The following STON2 variants were observed in gnomAD, a reference collection of about 807,000 sequenced individuals.
STON2 encodes stonin 2.
In STON2, 29 loss-of-function variants were observed where a neutral mutation model predicts 65.7. The observed-to-expected ratio is 0.44, with a 90% CI of 0.33 to 0.60. The LOEUF (loss-of-function observed/expected upper bound fraction) is 0.60, where lower values mean the gene tolerates loss of function less well. Among genes scored for constraint, STON2 ranks in the 20% least tolerant of loss-of-function variants. The pLI, the probability that STON2 is intolerant of heterozygous loss-of-function variation, is 0.03. For synonymous variants in STON2, 404 were observed against 414.2 expected, an observed-to-expected ratio of 0.98 and a Z score of 0.30; for missense variants, 1,054 against 1,118.1, an observed-to-expected ratio of 0.94 and a Z score of 0.82.
intron 2 of STON2, among the ~76,000 whole-genome samples, chr14:81,426,825 G>A (rs189342747): frequency 6.6e-6 from 1 of 152,230 alleles, no homozygotes; most frequent in Admixed American, 6.5e-5. Flanking sequence ...GATTTCGTTT[G>A]AGCATAACTC....
At position 81,276,905 on chromosome 14, in the gene STON2, G is replaced by A. The variant is rs1042213605; in HGVS notation, c.2577C>T (p.Asn859=). The A allele has an allele frequency of 2.5e-6, 4 of 1,607,088 alleles. No homozygotes were observed. Among genetic ancestry groups the A allele is most frequent in the Admixed American group, 3.3e-5 (2 of 59,758 alleles). Residue 859 remains asparagine, a synonymous_variant, in exon 6 of 8, where the codon AAC becomes AAT. Coordinates refer to ENST00000614646, the MANE Select transcript of STON2 (RefSeq NM_001394390.1). ...VWRINRLPDK[N]SASGHPHCFF... is the part of the protein sequence containing the mutation. ...AGAAGAGGAACCACCACCCACCTGA[G>A]TTTTTGTCCGGCAGTCGGTTTATCC...
chr14:81,408,363 T>G (rs948433158), intron 2 of STON2, among the ~76,000 whole-genome samples: 1 of 152,178 alleles, frequency 6.6e-6, no homozygotes, highest in Non-Finnish European at 1.5e-5. Context: ...AATGAACACC[T>G]CAGCCTCAAG....
intron 3 of STON2, among the ~76,000 whole-genome samples, chr14:81,387,294 T>C (rs1418314913): frequency 2.0e-5 from 3 of 152,148 alleles, no homozygotes; most frequent in African/African-American, 2.4e-5. Context: ...TTAAATCATA[T>C]GGCAACCTCA....
At chr14:81,283,530 A>ATTTTTT (rs10653687) in intron 5 of STON2, among the ~76,000 whole-genome samples, 3 of 128,904 alleles carry the variant, frequency 2.3e-5, no homozygotes, top group Non-Finnish European at 3.2e-5. Flanking sequence ...CAGATACTGC[A>ATTTTTT]TTTTTTTTTT....
intron 5 of STON2, among the ~76,000 whole-genome samples, chr14:81,284,591 C>T (rs1895260705): frequency 1.3e-5 from 2 of 152,222 alleles, no homozygotes; most frequent in Non-Finnish European, 1.5e-5. Context: ...GAAGGTCAAA[C>T]AGCAAGTGCT....
At chr14:81,406,182 C>T (rs938487655) in intron 2 of STON2, among the ~76,000 whole-genome samples, 19 of 152,154 alleles carry the variant, frequency 1.2e-4, no homozygotes, top group Admixed American at 5.9e-4. Context: ...ATTCCTTGCT[C>T]CTCAGCTTGA....
At chr14:81,354,560 T>A (rs1898148103) in intron 4 of STON2, among the ~76,000 whole-genome samples, 1 of 151,960 alleles carries the variant, frequency 6.6e-6, no homozygotes, top group Non-Finnish European at 1.5e-5. Context: ...GACAAAAAAA[T>A]TCAGAATAAT....
chr14:81,317,762 A>G (rs879150110), intron 5 of STON2, among the ~76,000 whole-genome samples: 1 of 152,182 alleles, frequency 6.6e-6, no homozygotes, highest in East Asian at 1.9e-4. Context: ...CATGTGATCT[A>G]AAGTAAAGAC....
At chr14:81,298,928 T>C (rs529847691) in intron 5 of STON2, among the ~76,000 whole-genome samples, 125 of 152,316 alleles carry the variant, frequency 8.2e-4, no homozygotes, top group Non-Finnish European at 8.4e-4. Context: ...AATTCATCCA[T>C]GTCACTAAAG....
intron 4 of STON2, among the ~76,000 whole-genome samples, chr14:81,340,095 A>T (rs1234783034): frequency 6.6e-6 from 1 of 152,230 alleles, no homozygotes; most frequent in Non-Finnish European, 1.5e-5. Flanking sequence ...TGGAGCCTGC[A>T]GTAAGCCCAG....
intron 5 of STON2, among the ~76,000 whole-genome samples, chr14:81,317,086 GGCA>G (rs1415631513): frequency 1.3e-5 from 2 of 152,216 alleles, no homozygotes; most frequent in Admixed American, 6.5e-5. Context: ...CAAGAAGCAT[GGCA>G]GCAGCATCTG....
chr14:81,268,534 G>A, intron 7 of STON2, 37 bp from the exon 8 acceptor site: 1 of 1,287,282 alleles, frequency 7.8e-7, no homozygotes. Flanking sequence ...AGATCAAAAA[G>A]AAGAGAAAAA....
In STON2 at chr14:81,266,186, T is replaced by C; in HGVS notation, c.*2228A>G. 1 of 778,372 alleles carries C rather than the reference T, an allele frequency of 1.3e-6. No individual in the cohort carries two copies. Among genetic ancestry groups the C allele is most frequent in the Non-Finnish European group, 1.6e-6 (1 of 641,260 alleles). 48.2% of individuals were successfully genotyped at this position (778,372 alleles called of 1,614,324 possible). A position where few individuals can be genotyped will look rare whatever the true frequency, so the allele number is the denominator to read the frequency against. On this transcript the variant is annotated 3_prime_UTR_variant, in exon 8 of 8. Transcript: ENST00000614646. ...ATATAGACCAAATCCAATGTAAGAT[T>C]CCCTTTCACAGCACGTGGGATAGGT... is the stretch of plus-strand genomic sequence containing the variant.
chr14:81,304,540 T>G (rs150020501), intron 5 of STON2, among the ~76,000 whole-genome samples: 3,975 of 152,194 alleles, frequency 0.026, 180 homozygotes, highest in African/African-American at 0.092. Context: ...CTGGCCAACA[T>G]GGTGAAACCC....
rs1219926223 is a variant in STON2 at position 81,270,841 on chromosome 14, G to A, written c.2613C>T (p.His871=). The part of the protein sequence containing the change: ...ASGHPHCFFC[H]LELGSDREVP... ...CTTCCCGGTCAGAGCCGAGTTCAAG[G>A]TGGCAAAAGAAACAGTGTGGGTGAC... Residue 871 remains histidine, a synonymous_variant, in exon 7 of 8, where the codon CAC becomes CAT. Transcript: ENST00000614646. 11 of 1,613,482 alleles carry A rather than the reference G, an allele frequency of 6.8e-6. No individual in the cohort carries two copies. Among genetic ancestry groups the A allele is most frequent in the Non-Finnish European group, 9.3e-6 (11 of 1,180,042 alleles).
chr14:81,266,196 A>G lies in STON2; in HGVS notation c.*2218T>C, dbSNP rs1894352529. 1.4e-6 allele frequency: 1 copy of G among 690,190 alleles called. No individual in the cohort carries two copies. The highest frequency in any genetic ancestry group is 1.9e-5 in the African/African-American group (1 of 51,528). 42.8% of individuals were successfully genotyped at this position (690,190 alleles called of 1,614,324 possible). ...AATCCAATGTAAGATTCCCTTTCAC[A>G]GCACGTGGGATAGGTGGTTATTTTA... On this transcript the variant is annotated 3_prime_UTR_variant, in exon 8 of 8. Transcript: ENST00000614646.
At chr14:81,412,960 A>G in intron 2 of STON2, 2 of 972,172 alleles carry the variant, frequency 2.1e-6, no homozygotes, top group Admixed American at 1.9e-5. Context: ...CCCCTTCTCC[A>G]TGGGTAACCA....
In STON2 at chr14:81,347,414, T is replaced by C. The variant is rs1897849083; in HGVS notation, c.572-23227A>G. On this transcript the variant is annotated intron_variant, in intron 4 of 7. Transcript: ENST00000614646. The stretch of plus-strand genomic sequence containing the variant: ...ATCTGAATAGACCAATAACAAGTAA[T>C]GAAATTGAATCAGCAACAAGTCTCT... Among the ~76,000 whole-genome samples the C allele has an allele frequency of 2.0e-5, 3 of 151,720 alleles. No homozygotes were observed. The East Asian group carries it at 5.8e-4, about 29-fold the overall frequency.
At chr14:81,431,536 T>C (rs1902224944) in intron 1 of STON2, among the ~76,000 whole-genome samples, 2 of 152,082 alleles carry the variant, frequency 1.3e-5, no homozygotes, top group Admixed American at 6.5e-5. Flanking sequence ...CCCAGCACTT[T>C]GGGAGGCCAA....
Sources: allele counts gnomAD v4.1 joint callset (sites outside exome capture counted in the v4.1 genomes callset), GRCh38; gene constraint gnomAD v4.1.1; transcripts MANE v1.5; gene names NCBI Gene and HGNC (gene_info 2026-07-23, HGNC 2026-07-21).